Variants in CGNL1 observed in about 807,000 individuals in gnomAD.
CGNL1 encodes cingulin-like protein 1.
CGNL1 carries 132 observed loss-of-function variants against 141.2 expected under a neutral mutation model. The ratio of observed to expected loss-of-function variants is 0.93; its 90% CI spans 0.81 to 1.08. CGNL1 has a LOEUF of 1.08. Among genes scored for constraint, CGNL1 ranks in the 50% least tolerant of loss-of-function variants. CGNL1 has a pLI of 0.00. For synonymous variants in CGNL1, 690 were observed against 622.1 expected, an observed-to-expected ratio of 1.11 and a Z score of -1.63; for missense variants, 1,870 against 1,588.6, an observed-to-expected ratio of 1.18 and a Z score of -3.01.
chr15:57,505,138 A>C (rs1204642681), intron 8 of CGNL1, among the ~76,000 whole-genome samples: 1 of 152,120 alleles, frequency 6.6e-6, no homozygotes, highest in Non-Finnish European at 1.5e-5. Flanking sequence ...CCAAAAAGTC[A>C]CCACACCTCC....
At chr15:57,530,509 AC>A (rs1261714953) in intron 13 of CGNL1, among the ~76,000 whole-genome samples, 2 of 152,306 alleles carry the variant, frequency 1.3e-5, no homozygotes, top group East Asian at 3.9e-4. Context: ...AGCTCTCCTA[AC>A]GACGGACATT....
rs149906975 is a variant in CGNL1 at position 57,502,220 on chromosome 15, C to G, written c.2404-14560C>G. ...GGGTTTTAAGTTTTTGGAAGGCTCT[C>G]GTTTGGAGGAAGGACACACTAAACC... On this transcript the variant is annotated intron_variant, in intron 8 of 18. Transcript: ENST00000281282. Among the ~76,000 whole-genome samples the G allele has an allele frequency of 2.6e-3, 394 of 152,212 alleles. 1 individual carries two copies. The highest frequency in any genetic ancestry group is 6.2e-3 in the African/African-American group (258 of 41,530).
At chr15:57,512,920 C>A (rs1260235404) in intron 8 of CGNL1, among the ~76,000 whole-genome samples, 6 of 151,570 alleles carry the variant, frequency 4.0e-5, no homozygotes, top group Non-Finnish European at 7.4e-5. Context: ...CCTACTCCAG[C>A]CCCAGGTTTC....
In CGNL1 at chr15:57,438,844, A is replaced by G. The variant is rs775429835; in HGVS notation, c.845A>G (p.Asp282Gly). Reference protein sequence around the residue: ...RPDVLPFRRQDSAGPVLDGAR... With the variant: ...RPDVLPFRRQGSAGPVLDGAR... ...GATGTTCTTCCCTTCCGGCGACAGG[A>G]TTCAGCGGGACCCGTCCTGGATGGA... Residue 282 changes from aspartate (D) to glycine (G), a missense_variant, in exon 2 of 19, where the codon GAT becomes GGT. Asp to Gly is a moderately conservative substitution (Grantham distance 94). Transcript: ENST00000281282. 1.9e-6 allele frequency: 3 copies of G among 1,614,124 alleles called. No homozygotes were observed. In the East Asian group the frequency reaches 6.7e-5, roughly 36 times the overall value.
intron 14 of CGNL1, among the ~76,000 whole-genome samples, chr15:57,537,634 G>A (rs1669840364): frequency 6.6e-6 from 1 of 152,160 alleles, no homozygotes; most frequent in Non-Finnish European, 1.5e-5. Flanking sequence ...ATGGGGTTCA[G>A]TATTGTTATT....
chr15:57,443,977 A>G (rs1337075356), intron 4 of CGNL1, among the ~76,000 whole-genome samples: 2 of 152,158 alleles, frequency 1.3e-5, no homozygotes, highest in Non-Finnish European at 2.9e-5. Context: ...ATATAAAGTA[A>G]ATTACACAAA....
At chr15:57,544,623 G>T in intron 16 of CGNL1, 26 bp downstream of exon 16, 1 of 1,559,514 alleles carries the variant, frequency 6.4e-7, no homozygotes, top group Non-Finnish European at 8.7e-7. Flanking sequence ...CCACTGCAGT[G>T]CGGAGGCCCC....
chr15:57,543,617 A>C (rs1161737650), intron 14 of CGNL1, 79 bp from the exon 15 acceptor site: 3 of 1,273,512 alleles, frequency 2.4e-6, no homozygotes, highest in Non-Finnish European at 3.4e-6. Context: ...GTTGACATTC[A>C]GTTCCTTGCC....
Position 57,440,408 on chromosome 15 carries a change from A to T in CGNL1, c.1634A>T (p.Glu545Val), listed in dbSNP as rs139665544. 3.8e-4 allele frequency: 608 copies of T among 1,602,798 alleles called. No individual in the cohort carries two copies. Among genetic ancestry groups the T allele is most frequent in the Non-Finnish European group, 5.0e-4 (582 of 1,174,148 alleles). ...ATPDLLKGQQ[E>V]LTQQTNEETA... is the part of the protein sequence containing the mutation. ...CCGGATCTCTTAAAGGGCCAGCAAG[A>T]GCTCACTCAGCAAACCAATGAGGAG... is the stretch of plus-strand genomic sequence containing the variant. The change falls in exon 3 of 19, where the codon GAG (glutamate) becomes GTG (valine). Residue 545 changes from glutamate (E) to valine (V), a missense_variant. Physicochemically the swap from Glu to Val is moderately radical, Grantham distance 121. Coordinates refer to ENST00000281282, the MANE Select transcript of CGNL1 (RefSeq NM_032866.5).
intron 8 of CGNL1, among the ~76,000 whole-genome samples, chr15:57,481,687 A>T (rs2063727899): frequency 6.6e-6 from 1 of 151,996 alleles, no homozygotes; most frequent in South Asian, 2.1e-4. Flanking sequence ...TTTTTCTGGG[A>T]TAAATAGGAG....
chr15:57,545,743 T>C lies in CGNL1; in HGVS notation c.3609+43T>C, dbSNP rs971742466. On this transcript the variant is annotated intron_variant, in intron 17 of 18. Transcript: ENST00000281282. ...GCATTTGCTCTTAGATGAGATTGCG[T>C]GTCTCAGGCTGAGGGAGCAAGGGAG... is the stretch of plus-strand genomic sequence containing the variant. The C allele has an allele frequency of 2.6e-6, 4 of 1,512,772 alleles. No individual in the cohort carries two copies. In the Admixed American group the frequency reaches 5.4e-5, roughly 21 times the overall value. The allele number at this position is 1,512,772 out of a possible 1,614,324, so 93.7% of individuals were successfully genotyped here.
In CGNL1 at chr15:57,439,511, G is replaced by C. The variant is rs1200240245; in HGVS notation, c.1512G>C (p.Leu504=). 3 of 1,614,242 alleles carry C rather than the reference G, an allele frequency of 1.9e-6. No individual in the cohort carries two copies. In the East Asian group the frequency reaches 6.7e-5, roughly 36 times the overall value. The part of the protein sequence containing the change: ...EEEVKTATAT[L]MLQNRATATS... ...AGGTGAAAACAGCCACCGCTACGCT[G>C]ATGTTACAGAACCGGGCAACAGCAA... Residue 504 remains leucine, a synonymous_variant, in exon 2 of 19, where the codon CTG becomes CTC. Transcript: ENST00000281282.
intron 8 of CGNL1, among the ~76,000 whole-genome samples, chr15:57,492,612 G>C (rs1350941298): frequency 6.6e-6 from 1 of 152,042 alleles, no homozygotes; most frequent in African/African-American, 2.4e-5. Context: ...CAATAATCTT[G>C]AAGGTGAATT....
intron 13 of CGNL1, 48 bp downstream of exon 13, chr15:57,528,863 C>T (rs2031786239): frequency 6.3e-7 from 1 of 1,585,186 alleles, no homozygotes; most frequent in South Asian, 1.1e-5. Flanking sequence ...GAGAGCGAGG[C>T]TGGGCCACGA....
chr15:57,435,407 G>GGTTTTTTTTTTTTTTTTT, intron 1 of CGNL1, among the ~76,000 whole-genome samples: 1 of 96,864 alleles, frequency 1.0e-5, no homozygotes, highest in Non-Finnish European at 2.3e-5. Flanking sequence ...AAATTTGCAG[G>GGTTTTTTTTTTTTTTTTT]TTTTTTTGTT....
At chr15:57,505,145 C>T (rs1010371863) in intron 8 of CGNL1, among the ~76,000 whole-genome samples, 1 of 152,120 alleles carries the variant, frequency 6.6e-6, no homozygotes, top group Non-Finnish European at 1.5e-5. Flanking sequence ...GTCACCACAC[C>T]TCCTTCAAGG....
chr15:57,525,032 C>T (rs1417592153), intron 12 of CGNL1, among the ~76,000 whole-genome samples: 1 of 152,174 alleles, frequency 6.6e-6, no homozygotes, highest in African/African-American at 2.4e-5. Flanking sequence ...ATTTATGGAG[C>T]AGCCATGATG....
Position 57,438,466 on chromosome 15 carries a change from A to G in CGNL1, c.467A>G (p.Asp156Gly), listed in dbSNP as rs2063136722. Residue 156 changes from aspartate (D) to glycine (G), a missense_variant, in exon 2 of 19, where the codon GAC becomes GGC. Physicochemically the swap from Asp to Gly is moderately conservative, Grantham distance 94 (BLOSUM62 -1). Coordinates refer to ENST00000281282, the MANE Select transcript of CGNL1 (RefSeq NM_032866.5). ...QRHPELLQPY[D>G]PEKNELNLQN... ...CATCCAGAGCTTTTGCAACCCTATG[A>G]CCCTGAAAAGAATGAGTTGAATTTA... is the stretch of plus-strand genomic sequence containing the variant. 1 of 1,614,134 alleles carries G rather than the reference A, an allele frequency of 6.2e-7. No homozygotes were observed. Among genetic ancestry groups the G allele is most frequent in the Non-Finnish European group, 8.5e-7 (1 of 1,180,042 alleles).
intron 15 of CGNL1, among the ~76,000 whole-genome samples, chr15:57,544,024 A>C (rs545615024): frequency 6.6e-6 from 1 of 152,330 alleles, no homozygotes; most frequent in East Asian, 1.9e-4. Context: ...CTAAATTCTA[A>C]TGTAAAGAGA....
Sources: allele counts gnomAD v4.1 joint callset (sites outside exome capture counted in the v4.1 genomes callset), GRCh38; gene constraint gnomAD v4.1.1; transcripts MANE v1.5; gene names NCBI Gene and HGNC (gene_info 2026-07-23, HGNC 2026-07-21).